ADAM10: variants seen among roughly 807,000 people sequenced by gnomAD.
The protein encoded by ADAM10 is disintegrin and metalloproteinase domain-containing protein 10.
In ADAM10, 17 loss-of-function variants were observed where a neutral mutation model predicts 90.1. The observed-to-expected ratio is 0.19, with a 90% CI of 0.13 to 0.28. The LOEUF (loss-of-function observed/expected upper bound fraction) is 0.28. ADAM10 is among the 10% of genes least tolerant of loss of function. The pLI is 1.00. For synonymous variants in ADAM10, 310 were observed against 298.6 expected, an observed-to-expected ratio of 1.04 and a Z score of -0.40; for missense variants, 610 against 914.3, an observed-to-expected ratio of 0.67 and a Z score of 4.29.
intron 6 of ADAM10, 77 bp from the exon 7 acceptor site, chr15:58,644,055 C>G (rs920940493): frequency 1.8e-6 from 2 of 1,090,882 alleles, no homozygotes; most frequent in Non-Finnish European, 2.8e-6. Flanking sequence ...TTTCCAAAAT[C>G]AGTAATTATT....
intron 14 of ADAM10, among the ~76,000 whole-genome samples, chr15:58,608,398 C>T (rs1895337608): frequency 6.6e-6 from 1 of 152,146 alleles, no homozygotes; most frequent in South Asian, 2.1e-4. Flanking sequence ...TGCAAGTAAA[C>T]TATGCACATA....
intron 9 of ADAM10, among the ~76,000 whole-genome samples, chr15:58,628,885 G>A (rs185047376): frequency 6.6e-6 from 1 of 152,240 alleles, no homozygotes; most frequent in East Asian, 1.9e-4. Flanking sequence ...CTCTTCTGAG[G>A]CAACTGTTAA....
chr15:58,619,394 T>G (rs1200429518), intron 11 of ADAM10, among the ~76,000 whole-genome samples: 1 of 152,122 alleles, frequency 6.6e-6, no homozygotes, highest in Non-Finnish European at 1.5e-5. Context: ...AGGAATGAGC[T>G]CTAGTGTTTG....
At chr15:58,699,121 C>A (rs1898059791) in intron 2 of ADAM10, among the ~76,000 whole-genome samples, 2 of 152,060 alleles carry the variant, frequency 1.3e-5, no homozygotes, top group Non-Finnish European at 2.9e-5. Context: ...TCCTTACAGG[C>A]CAGGAGAAAA....
At chr15:58,642,882 T>G (rs1274877757) in intron 7 of ADAM10, among the ~76,000 whole-genome samples, 2 of 152,196 alleles carry the variant, frequency 1.3e-5, no homozygotes, top group Non-Finnish European at 2.9e-5. Context: ...ATATTTCACC[T>G]TAAGAAAATC....
rs532301394 is a variant in ADAM10, at chr15:58,589,021, G to A, written c.*8526C>T. ...GACGGAAGGAGGTTGTGCTGCCACA[G>A]GATTTAGAATGAGATATGTTAAAAG... On this transcript the variant is annotated 3_prime_UTR_variant, in exon 16 of 16. Transcript: ENST00000260408. 3.3e-5 allele frequency: 5 copies of A among 152,206 alleles called. No individual in the cohort carries two copies. The highest frequency in any genetic ancestry group is 7.3e-5 in the Non-Finnish European group (5 of 68,034). 9.4% of individuals were successfully genotyped at this position (152,206 alleles called of 1,614,324 possible). A position where few individuals can be genotyped will look rare whatever the true frequency, so the allele number is the denominator to read the frequency against.
chr15:58,734,215 T>C (rs529544237), intron 1 of ADAM10, among the ~76,000 whole-genome samples: 7 of 152,330 alleles, frequency 4.6e-5, no homozygotes, highest in African/African-American at 1.4e-4. Flanking sequence ...AAATTGGATG[T>C]CATGATAATT....
chr15:58,738,627 G>A (rs1899506809), intron 1 of ADAM10, among the ~76,000 whole-genome samples: 1 of 152,092 alleles, frequency 6.6e-6, no homozygotes, highest in Non-Finnish European at 1.5e-5. Context: ...AACACAAGCT[G>A]GCTCAGAAGT....
chr15:58,712,537 A>AT (rs397717870), intron 2 of ADAM10, among the ~76,000 whole-genome samples: 1 of 148,520 alleles, frequency 6.7e-6, no homozygotes. Flanking sequence ...AAAAAAAAAA[A>AT]GGCCAGACGT....
chr15:58,695,642 T>C (rs1483758887), intron 2 of ADAM10, among the ~76,000 whole-genome samples: 1 of 148,928 alleles, frequency 6.7e-6, no homozygotes, highest in African/African-American at 2.5e-5. Context: ...GATATTTAAG[T>C]TTTAATATAA....
At chr15:58,700,559 T>C (rs375276789) in intron 2 of ADAM10, among the ~76,000 whole-genome samples, 4 of 151,694 alleles carry the variant, frequency 2.6e-5, no homozygotes, top group South Asian at 2.1e-4. Context: ...CATACCAAAA[T>C]CCATGGGATA....
At chr15:58,682,610 A>C (rs1280743437) in intron 2 of ADAM10, among the ~76,000 whole-genome samples, 2 of 152,180 alleles carry the variant, frequency 1.3e-5, no homozygotes, top group Non-Finnish European at 2.9e-5. Flanking sequence ...CAAATAAGTT[A>C]CTTGGAGATT....
At chr15:58,746,789 G>A (rs1246399680) in intron 1 of ADAM10, among the ~76,000 whole-genome samples, 2 of 152,172 alleles carry the variant, frequency 1.3e-5, no homozygotes, top group African/African-American at 4.8e-5. Flanking sequence ...TTTTAAAAAA[G>A]ATGATGGAGT....
intron 2 of ADAM10, among the ~76,000 whole-genome samples, chr15:58,712,461 T>C (rs1898504469): frequency 6.9e-6 from 1 of 145,098 alleles, no homozygotes; most frequent in Non-Finnish European, 1.5e-5. Context: ...GAGGCAAGAG[T>C]TTCAGTGAAA....
chr15:58,606,535 T>C (rs1406621647), intron 14 of ADAM10, among the ~76,000 whole-genome samples: 3 of 152,238 alleles, frequency 2.0e-5, no homozygotes, highest in African/African-American at 7.2e-5. Flanking sequence ...AACCTTACAA[T>C]ATCATTATAT....
chr15:58,634,466 T>C (rs1335640718), intron 8 of ADAM10, among the ~76,000 whole-genome samples: 4 of 152,236 alleles, frequency 2.6e-5, no homozygotes, highest in African/African-American at 9.6e-5. Context: ...TAAATATTTT[T>C]ATCATTTTGT....
chr15:58,707,772 A>G (rs1042213331), intron 2 of ADAM10, among the ~76,000 whole-genome samples: 3 of 152,216 alleles, frequency 2.0e-5, no homozygotes, highest in Non-Finnish European at 2.9e-5. Flanking sequence ...TGGCAAGTAA[A>G]CTACTATGTA....
At chr15:58,605,939 G>T (rs950767821) in intron 14 of ADAM10, among the ~76,000 whole-genome samples, 1 of 151,988 alleles carries the variant, frequency 6.6e-6, no homozygotes, top group Non-Finnish European at 1.5e-5. Flanking sequence ...GTAACAAAAT[G>T]ACAAAGCAAG....
intron 8 of ADAM10, among the ~76,000 whole-genome samples, chr15:58,635,066 C>G (rs1269827395): frequency 1.3e-5 from 2 of 151,260 alleles, no homozygotes; most frequent in African/African-American, 4.9e-5. Flanking sequence ...CAAAGAAACA[C>G]AAGGTCAGGA....
Sources: allele counts gnomAD v4.1 joint callset (sites outside exome capture counted in the v4.1 genomes callset), GRCh38; gene constraint gnomAD v4.1.1; transcripts MANE v1.5; gene names NCBI Gene and HGNC (gene_info 2026-07-23, HGNC 2026-07-21).